Variants in DKKL1 observed in about 807,000 individuals in gnomAD.
DKKL1 encodes dickkopf-like protein 1.
In DKKL1, 11 loss-of-function variants were observed where a neutral mutation model predicts 16.5. That is an observed-to-expected ratio of 0.67 (90% confidence interval 0.42 to 1.10). DKKL1 has a LOEUF of 1.10. Among genes scored for constraint, DKKL1 ranks in the 50% least tolerant of loss-of-function variants. DKKL1 has a pLI of 0.00. For synonymous variants in DKKL1, 119 were observed against 133.2 expected, an observed-to-expected ratio of 0.89 and a Z score of 0.73; for missense variants, 320 against 308.1, an observed-to-expected ratio of 1.04 and a Z score of -0.29.
At chr19:49,373,985 A>G (rs1487034809) in intron 4 of DKKL1, among the ~76,000 whole-genome samples, 2 of 144,012 alleles carry the variant, frequency 1.4e-5, no homozygotes, top group Non-Finnish European at 3.1e-5. Flanking sequence ...TGAAAGCTTT[A>G]TTTTTTTTTT....
chr19:49,364,490 TG>T, intron 1 of DKKL1, 91 bp from the exon 2 acceptor site: 1 of 1,123,554 alleles, frequency 8.9e-7, no homozygotes, highest in Non-Finnish European at 1.3e-6. Context: ...TTGCCTGAAC[TG>T]GGGAGGCGAC....
At chr19:49,362,264 A>G (rs2146733906), upstream of DKKL1, 1 of 152,468 alleles carries the variant, frequency 6.6e-6, no homozygotes, top group South Asian at 2.1e-4. Flanking sequence ...GCTGCGAACC[A>G]TTCAGAGACG....
chr19:49,374,211 C>A (rs1973630868), intron 4 of DKKL1, among the ~76,000 whole-genome samples: 1 of 152,182 alleles, frequency 6.6e-6, no homozygotes, highest in Non-Finnish European at 1.5e-5. Context: ...TGGTCTCGAT[C>A]TCCTGACCTC....
At position 49,374,739 on chromosome 19, in the gene DKKL1, A is replaced by C. The variant is rs572992845; in HGVS notation, c.440A>C (p.Glu147Ala). The change falls in exon 5 of 5, where the codon GAG (glutamate) becomes GCG (alanine). Residue 147 changes from glutamate to alanine, a missense_variant. By Grantham distance (107) the Glu-to-Ala change is moderately radical. Transcript: ENST00000221498. ...CAGGTACCCAGGATGGAGGAGAAGGAGGCCCTGGTACCCATCCAGAAGGCC... is the reference window on the plus strand; with the variant it reads ...CAGGTACCCAGGATGGAGGAGAAGGCGGCCCTGGTACCCATCCAGAAGGCC... ...DLKVPRMEEK[E>A]ALVPIQKATD... is the part of the protein sequence containing the mutation. The C allele has an allele frequency of 7.6e-5, 116 of 1,536,214 alleles. No individual in the cohort carries two copies. The highest frequency in any genetic ancestry group is 6.4e-4 in the East Asian group (28 of 43,720).
At chr19:49,363,712 T>C (rs1973112494), upstream of DKKL1, 2 of 500,586 alleles carry the variant, frequency 4.0e-6, no homozygotes, top group Non-Finnish European at 7.3e-6. Flanking sequence ...CTCACGGCTC[T>C]GGCTTAAGGG....
chr19:49,366,301 C>G (rs1440650637), intron 4 of DKKL1, among the ~76,000 whole-genome samples: 1 of 152,180 alleles, frequency 6.6e-6, no homozygotes, highest in Admixed American at 6.5e-5. Context: ...CTGTGTGGAA[C>G]TTCCTCCTTC....
At chr19:49,368,067 A>G (rs1298144083) in intron 4 of DKKL1, among the ~76,000 whole-genome samples, 1 of 151,922 alleles carries the variant, frequency 6.6e-6, no homozygotes, top group Non-Finnish European at 1.5e-5. Flanking sequence ...AATCCTAGCA[A>G]TTTGGGAGGC....
chr19:49,366,713 G>GT (rs775185405), intron 4 of DKKL1, among the ~76,000 whole-genome samples: 48,100 of 144,470 alleles, frequency 0.33, 8,923 homozygotes, highest in African/African-American at 0.49. Flanking sequence ...TGTTTTTTTG[G>GT]TTTTTTTTTT....
intron 4 of DKKL1, among the ~76,000 whole-genome samples, chr19:49,371,473 C>T (rs1973482165): frequency 6.7e-6 from 1 of 149,718 alleles, no homozygotes; most frequent in African/African-American, 2.6e-5. Context: ...AATTGTTTTA[C>T]TAGTTTTTTT....
chr19:49,367,991 T>C (rs1009137856), intron 4 of DKKL1, among the ~76,000 whole-genome samples: 6 of 151,864 alleles, frequency 4.0e-5, no homozygotes, highest in South Asian at 2.1e-4. Flanking sequence ...CCCTGGGCAA[T>C]AGAGGGAGTC....
At chr19:49,366,258 A>G (rs886333349) in intron 4 of DKKL1, among the ~76,000 whole-genome samples, 13 of 152,022 alleles carry the variant, frequency 8.6e-5, no homozygotes, top group Non-Finnish European at 1.6e-4. Flanking sequence ...GTAGTTTAGG[A>G]GGACAAGAAG....
chr19:49,370,906 C>T (rs61393371), intron 4 of DKKL1: 1 of 152,344 alleles, frequency 6.6e-6, no homozygotes, highest in African/African-American at 2.4e-5. Context: ...TGTAGCAGAG[C>T]TTCCTGAAGA....
Position 49,365,456 on chromosome 19 carries a change from G to A in DKKL1, c.184-53G>A, listed in dbSNP as rs1038097645. 5 of 1,551,504 alleles carry A rather than the reference G, an allele frequency of 3.2e-6. No individual in the cohort carries two copies. The African/African-American group carries it at 5.4e-5, about 17-fold the overall frequency. ...TCCTAGCAGGGCTGCAGAAGGGGCT[G>A]TACTGAGGAGATGTGAGGTCCAGCA... On this transcript the variant is annotated intron_variant, in intron 2 of 4. Transcript: ENST00000221498.
chr19:49,371,057 T>C (rs1240520024), intron 4 of DKKL1: 1 of 152,190 alleles, frequency 6.6e-6, no homozygotes, highest in Non-Finnish European at 1.5e-5. Context: ...GGAGCAGATA[T>C]GGAAGAGTCC....
intron 3 of DKKL1, 31 bp from the exon 4 acceptor site, chr19:49,365,762 T>C: frequency 6.2e-7 from 1 of 1,609,948 alleles, no homozygotes; most frequent in Non-Finnish European, 8.5e-7. Context: ...GAAAGCAGGT[T>C]TGCTCTCACT....
At chr19:49,365,708 C>T in intron 3 of DKKL1, 59 bp downstream of exon 3, 1 of 1,594,814 alleles carries the variant, frequency 6.3e-7, no homozygotes. Flanking sequence ...TCCCGCCATC[C>T]CTCGTGCTGC....
intron 2 of DKKL1, 46 bp downstream of exon 2, chr19:49,364,800 T>G: frequency 6.3e-7 from 1 of 1,587,670 alleles, no homozygotes; most frequent in Non-Finnish European, 8.6e-7. Context: ...GAGAAGAGGT[T>G]CAGGGACACA....
chr19:49,363,155 G>A (rs1790287372), upstream of DKKL1: 1 of 151,796 alleles, frequency 6.6e-6, no homozygotes, highest in African/African-American at 2.4e-5. Context: ...TTTGGTGCCT[G>A]AGGGAAGATG....
chr19:49,364,097 C>G (rs1973142619), intron 1 of DKKL1, 89 bp downstream of exon 1: 7 of 1,554,982 alleles, frequency 4.5e-6, no homozygotes, highest in Non-Finnish European at 5.3e-6. Flanking sequence ...CGCCTGCAAT[C>G]CCAACACTTT....
Sources: gnomAD v4.1 joint callset for allele counts (sites outside exome capture counted in the v4.1 genomes callset) on GRCh38, gnomAD v4.1.1 for gene constraint, MANE v1.5 for transcripts, NCBI Gene and HGNC (gene_info 2026-07-23, HGNC 2026-07-21) for gene names.